Variants in DCDC1 observed in about 807,000 individuals in gnomAD.
DCDC1 encodes doublecortin domain containing 1, also known as doublecortin domain-containing protein 1.
Under a neutral mutation model 178.3 loss-of-function variants are expected in DCDC1, and 200 were observed. The observed-to-expected ratio is 1.12, with a 90% CI of 1.00 to 1.26. DCDC1 has a LOEUF of 1.26. Among genes scored for constraint, DCDC1 ranks in the 50% most tolerant of loss-of-function variants. The probability of loss-of-function intolerance (pLI) is 0.00; values close to 1 mark genes in which losing one functional copy is unlikely to be tolerated. For missense variants in DCDC1, 1,983 were observed against 1,749.2 expected, an observed-to-expected ratio of 1.13 and a Z score of -2.38; for synonymous variants, 690 against 604.8, an observed-to-expected ratio of 1.14 and a Z score of -2.07.
intron 27 of DCDC1, among the ~76,000 whole-genome samples, chr11:30,913,934 C>T (rs899303671): frequency 3.3e-5 from 5 of 152,200 alleles, no homozygotes; most frequent in Non-Finnish European, 7.3e-5. Flanking sequence ...AAGTGGGGAC[C>T]TCTACTATAA....
In DCDC1 at chr11:31,085,665, T is replaced by C. The variant is rs531219894; in HGVS notation, c.2237+5728A>G. ...ATTTGAGTTATTTCTAGTTTTTTTT[T>C]CTGTAGGCTTTTAGAAATAAAGCTG... On this transcript the variant is annotated intron_variant, in intron 17 of 38. Coordinates refer to ENST00000684477, the MANE Select transcript of DCDC1 (RefSeq NM_001387274.1). Among the ~76,000 whole-genome samples the C allele has an allele frequency of 2.3e-4, 35 of 151,912 alleles. No individual in the cohort carries two copies. In the East Asian group the frequency reaches 6.6e-3, roughly 29 times the overall value.
chr11:31,161,868 C>T (rs1322046937), intron 9 of DCDC1, among the ~76,000 whole-genome samples: 1 of 152,084 alleles, frequency 6.6e-6, no homozygotes, highest in Non-Finnish European at 1.5e-5. Flanking sequence ...TATTTAGCAC[C>T]ATAATGGAAT....
At chr11:30,902,424 A>G (rs1228586473) in intron 32 of DCDC1, among the ~76,000 whole-genome samples, 1 of 152,168 alleles carries the variant, frequency 6.6e-6, no homozygotes, top group Non-Finnish European at 1.5e-5. Context: ...TTTATAAATT[A>G]ACCAGCCTGT....
At chr11:31,118,443 G>T (rs112144276) in intron 11 of DCDC1, among the ~76,000 whole-genome samples, 4 of 151,958 alleles carry the variant, frequency 2.6e-5, no homozygotes, top group African/African-American at 9.7e-5. Context: ...TTTCACTTAC[G>T]AGAAAATCTG....
intron 9 of DCDC1, among the ~76,000 whole-genome samples, chr11:31,154,189 G>A (rs1257732225): frequency 6.6e-6 from 1 of 152,134 alleles, no homozygotes; most frequent in Non-Finnish European, 1.5e-5. Context: ...GTTTCCTGAG[G>A]CCTCCCTGGC....
intron 20 of DCDC1, among the ~76,000 whole-genome samples, chr11:30,971,559 T>C (rs1949783085): frequency 6.7e-6 from 1 of 150,026 alleles, no homozygotes; most frequent in African/African-American, 2.5e-5. Context: ...AACAAGAGTA[T>C]GTCATGTAGA....
intron 30 of DCDC1, among the ~76,000 whole-genome samples, chr11:30,905,408 A>G (rs1412979480): frequency 6.6e-6 from 1 of 152,112 alleles, no homozygotes; most frequent in Non-Finnish European, 1.5e-5. Flanking sequence ...TGTTTCTGGC[A>G]TTCTCTTGTT....
intron 36 of DCDC1, among the ~76,000 whole-genome samples, chr11:30,888,345 A>G (rs367916112): frequency 2.0e-4 from 30 of 152,334 alleles, no homozygotes; most frequent in African/African-American, 6.7e-4. Context: ...TGTAACAAAT[A>G]CAGATGAGTT....
intron 21 of DCDC1, among the ~76,000 whole-genome samples, chr11:30,946,698 A>G (rs1948076987): frequency 6.6e-6 from 1 of 152,202 alleles, no homozygotes. Context: ...AAATATGACA[A>G]ATTAGACAAG....
At chr11:31,343,708 C>G (rs1950668968) in intron 1 of DCDC1, among the ~76,000 whole-genome samples, 1 of 152,066 alleles carries the variant, frequency 6.6e-6, no homozygotes, top group African/African-American at 2.4e-5. Context: ...CACTTGAGGT[C>G]AGGAATTCAT....
At chr11:30,965,499 A>C (rs1237632026) in intron 20 of DCDC1, among the ~76,000 whole-genome samples, 2 of 152,092 alleles carry the variant, frequency 1.3e-5, no homozygotes, top group Non-Finnish European at 2.9e-5. Flanking sequence ...TCTGGACTTA[A>C]AGCATTCTTG....
chr11:31,213,293 C>A (rs1336865925), intron 9 of DCDC1, among the ~76,000 whole-genome samples: 1 of 151,550 alleles, frequency 6.6e-6, no homozygotes, highest in Non-Finnish European at 1.5e-5. Context: ...ATGATCTTTT[C>A]AAATTTAGCC....
chr11:31,128,379 G>A (rs1961948708), intron 10 of DCDC1, among the ~76,000 whole-genome samples: 1 of 152,030 alleles, frequency 6.6e-6, no homozygotes, highest in South Asian at 2.1e-4. Flanking sequence ...CTTACTTGTG[G>A]ATTATTAATA....
intron 17 of DCDC1, among the ~76,000 whole-genome samples, chr11:31,089,612 C>CTTT (rs34932827): frequency 9.2e-5 from 13 of 141,566 alleles, no homozygotes; most frequent in South Asian, 4.5e-4. Flanking sequence ...ATGCTCCGTT[C>CTTT]TTTTTTTTTT....
chr11:30,925,265 G>A (rs115321522), intron 23 of DCDC1, 44 bp downstream of exon 23: 3 of 1,451,974 alleles, frequency 2.1e-6, no homozygotes, highest in Non-Finnish European at 1.9e-6. Flanking sequence ...CTTGGATGGG[G>A]TATTAATAAA....
chr11:30,899,132 CA>C (rs1002930966), intron 34 of DCDC1, among the ~76,000 whole-genome samples: 1 of 148,814 alleles, frequency 6.7e-6, no homozygotes, highest in South Asian at 2.1e-4. Flanking sequence ...CAAAACAAAA[CA>C]AAAAAACAAA....
intron 10 of DCDC1, among the ~76,000 whole-genome samples, chr11:31,130,747 T>G (rs1037941934): frequency 6.6e-6 from 1 of 152,142 alleles, no homozygotes; most frequent in Non-Finnish European, 1.5e-5. Context: ...TCTAGAAATT[T>G]CTATCATCTA....
chr11:31,214,655 G>A (rs1973312203), intron 9 of DCDC1, among the ~76,000 whole-genome samples: 1 of 151,956 alleles, frequency 6.6e-6, no homozygotes. Context: ...AGATGACTGA[G>A]GTCTAATTTA....
Position 31,328,117 on chromosome 11 carries a change from C to A in DCDC1, c.164G>T (p.Arg55Ile). ...IYKYILNDLP[R>I]EFMSSQAKAV... is the part of the protein sequence containing the mutation. ...TAAGCTGCTGAAATAATGTTCTTAC[C>A]TTGGTAAATCATTCAAAATATATTT... The change falls in exon 3 of 39, where the codon AGA (arginine) becomes ATA (isoleucine). Residue 55 changes from arginine (R) to isoleucine (I), a missense_variant and splice_region_variant. Transcript: ENST00000684477. The A allele has an allele frequency of 6.3e-7, 1 of 1,595,194 alleles. No homozygotes were observed. Among genetic ancestry groups the A allele is most frequent in the Non-Finnish European group, 8.6e-7 (1 of 1,167,502 alleles).
Sources: allele counts gnomAD v4.1 joint callset (sites outside exome capture counted in the v4.1 genomes callset), GRCh38; gene constraint gnomAD v4.1.1; transcripts MANE v1.5; gene names NCBI Gene and HGNC (gene_info 2026-07-23, HGNC 2026-07-21).